Variants in ELAPOR2 observed in about 807,000 individuals in gnomAD.
ELAPOR2 encodes endosome-lysosome associated apoptosis and autophagy regulator family member 2, also known as endosome/lysosome-associated apoptosis and autophagy regulator family member 2.
In ELAPOR2, 89 loss-of-function variants were observed where a neutral mutation model predicts 120.7. The observed-to-expected ratio is 0.74, with a 90% CI of 0.62 to 0.88. The LOEUF (loss-of-function observed/expected upper bound fraction) is 0.88, where lower values mean the gene tolerates loss of function less well. Ranked by LOEUF, ELAPOR2 falls within the 40% of genes least tolerant of loss-of-function variation. The pLI is 0.00. For synonymous variants in ELAPOR2, 444 were observed against 444.9 expected (o/e 1.00, Z 0.03); for missense variants, 1,134 against 1,251.6 (o/e 0.91, Z 1.42).
At chr7:86,982,173 G>A (rs1042914458) in intron 1 of ELAPOR2, among the ~76,000 whole-genome samples, 10 of 152,246 alleles carry the variant, frequency 6.6e-5, no homozygotes, top group African/African-American at 1.9e-4. Context: ...CTAACTGGGC[G>A]GAGCCCAACG....
At position 86,938,144 on chromosome 7, in the gene ELAPOR2, TGGA is replaced by T. The variant is rs1395507281; in HGVS notation, c.1068_1070del (p.Pro357del). On this transcript the variant is annotated inframe_deletion, in exon 8 of 22. Transcript: ENST00000450689. ...CTGGTACCTTTCCTTCTTCATCACA[TGGA>T]GTATGGATCTGGAAATAGTCTTTTG... 2 of 1,551,044 alleles carry T rather than the reference TGGA, an allele frequency of 1.3e-6. No homozygotes were observed. The highest frequency in any genetic ancestry group is 1.7e-6 in the Non-Finnish European group (2 of 1,146,050).
intron 2 of ELAPOR2, 36 bp from the exon 3 acceptor site, chr7:86,947,958 C>A (rs1466251594): frequency 3.5e-6 from 5 of 1,428,816 alleles, no homozygotes; most frequent in Non-Finnish European, 4.8e-6. Flanking sequence ...CATTACTTAC[C>A]CTCCCATCAA....
intron 13 of ELAPOR2, among the ~76,000 whole-genome samples, chr7:86,913,680 C>T (rs11981220): frequency 0.21 from 32,499 of 152,046 alleles, 5,633 homozygotes; most frequent in African/African-American, 0.49. Context: ...ATTAACTGTG[C>T]TAAATCAATG....
intron 8 of ELAPOR2, among the ~76,000 whole-genome samples, chr7:86,928,404 A>T (rs148905255): frequency 4.1e-4 from 63 of 152,138 alleles, no homozygotes; most frequent in African/African-American, 1.2e-3. Context: ...ATCCTACTTA[A>T]TTCCCTAATT....
intron 15 of ELAPOR2, 136 bp downstream of exon 15, chr7:86,911,936 G>T: frequency 1.1e-6 from 1 of 886,292 alleles, no homozygotes; most frequent in Non-Finnish European, 1.8e-6. Flanking sequence ...AGCAATAGAG[G>T]ATCTAAGCAA....
chr7:86,881,094 G>T (rs1368389140), intron 21 of ELAPOR2, among the ~76,000 whole-genome samples: 1 of 152,100 alleles, frequency 6.6e-6, no homozygotes, highest in Non-Finnish European at 1.5e-5. Flanking sequence ...TCACTCAAAT[G>T]TATCATTGCT....
At chr7:87,023,490 A>T (rs1376830623) in intron 1 of ELAPOR2, among the ~76,000 whole-genome samples, 6 of 152,118 alleles carry the variant, frequency 3.9e-5, no homozygotes, top group Admixed American at 3.9e-4. Context: ...GCTTGAAGTC[A>T]GGTAGTGTGA....
intron 1 of ELAPOR2, among the ~76,000 whole-genome samples, chr7:86,986,976 T>C (rs976081312): frequency 1.5e-4 from 22 of 150,600 alleles, no homozygotes; most frequent in African/African-American, 4.9e-4. Flanking sequence ...CAAAACAGCA[T>C]GATACTGGTA....
intron 2 of ELAPOR2, among the ~76,000 whole-genome samples, chr7:86,958,750 A>G (rs1791581053): frequency 6.6e-6 from 1 of 152,242 alleles, no homozygotes; most frequent in Admixed American, 6.5e-5. Context: ...GAGAATTAAC[A>G]TACATGGCTC....
chr7:87,016,353 A>AAT (rs1179748988), intron 1 of ELAPOR2, among the ~76,000 whole-genome samples: 1 of 151,758 alleles, frequency 6.6e-6, no homozygotes, highest in African/African-American at 2.4e-5. Flanking sequence ...CATCTCAAAA[A>AAT]ATATATATAT....
At chr7:87,011,221 TG>T (rs1562967085) in intron 1 of ELAPOR2, among the ~76,000 whole-genome samples, 2 of 138,172 alleles carry the variant, frequency 1.4e-5, no homozygotes, top group African/African-American at 2.7e-5. Flanking sequence ...TGAGCCAAGA[TG>T]CATGGCGACA....
At chr7:86,955,645 A>G (rs1284375490) in intron 2 of ELAPOR2, among the ~76,000 whole-genome samples, 1 of 152,180 alleles carries the variant, frequency 6.6e-6, no homozygotes, top group African/African-American at 2.4e-5. Flanking sequence ...TGATTTGATC[A>G]CAGAATGAAT....
At chr7:87,034,495 T>A (rs1390884810) in intron 1 of ELAPOR2, among the ~76,000 whole-genome samples, 2 of 151,808 alleles carry the variant, frequency 1.3e-5, no homozygotes, top group Non-Finnish European at 2.9e-5. Flanking sequence ...AATGAGATCA[T>A]TAAAAAAAAA....
At chr7:87,010,220 C>T (rs1228991863) in intron 1 of ELAPOR2, among the ~76,000 whole-genome samples, 3 of 152,168 alleles carry the variant, frequency 2.0e-5, no homozygotes, top group South Asian at 2.1e-4. Context: ...TTAATACTCT[C>T]CACCCACACC....
chr7:87,058,857 G>A (rs1372610266), intron 1 of ELAPOR2, among the ~76,000 whole-genome samples: 1 of 152,146 alleles, frequency 6.6e-6, no homozygotes, highest in Non-Finnish European at 1.5e-5. Flanking sequence ...GCTGAGGGCA[G>A]GGGAGTAGGA....
intron 13 of ELAPOR2, 79 bp downstream of exon 13, chr7:86,914,644 G>T: frequency 1.7e-6 from 2 of 1,205,288 alleles, no homozygotes; most frequent in Non-Finnish European, 2.3e-6. Context: ...CCAAATTTGA[G>T]TTATCACTTT....
At chr7:86,913,225 T>A (rs773355516) in intron 13 of ELAPOR2, 21 bp from the exon 14 acceptor site, 45 of 1,608,440 alleles carry the variant, frequency 2.8e-5, no homozygotes, top group Non-Finnish European at 4.3e-6. Context: ...GAGCATAAAG[T>A]AATGACTTCT....
intron 18 of ELAPOR2, among the ~76,000 whole-genome samples, chr7:86,898,909 G>A (rs1788577650): frequency 6.6e-6 from 1 of 152,160 alleles, no homozygotes; most frequent in Non-Finnish European, 1.5e-5. Flanking sequence ...TTTAGAGGTA[G>A]GAGAAAGACA....
chr7:86,949,260 T>A (rs549877467), intron 2 of ELAPOR2, among the ~76,000 whole-genome samples: 1 of 152,352 alleles, frequency 6.6e-6, no homozygotes, highest in South Asian at 2.1e-4. Context: ...TTCCTAATTC[T>A]ATGACACTGA....
Sources: gnomAD v4.1 joint callset for allele counts (sites outside exome capture counted in the v4.1 genomes callset) on GRCh38, gnomAD v4.1.1 for gene constraint, MANE v1.5 for transcripts, NCBI Gene and HGNC (gene_info 2026-07-23, HGNC 2026-07-21) for gene names.